CTNNBL1: variants seen among roughly 807,000 people sequenced by gnomAD.
The protein encoded by CTNNBL1 is beta-catenin-like protein 1.
A neutral mutation model predicts 72.7 loss-of-function variants in CTNNBL1; 31 were observed. The observed-to-expected ratio is 0.43, with a 90% CI of 0.32 to 0.58. The LOEUF (loss-of-function observed/expected upper bound fraction) is 0.58. Ranked by LOEUF, CTNNBL1 falls within the 20% of genes least tolerant of loss-of-function variation. The pLI is 0.08. For missense variants in CTNNBL1, 534 were observed against 725.1 expected, an observed-to-expected ratio of 0.74 and a Z score of 3.03; for synonymous variants, 240 against 267.3, an observed-to-expected ratio of 0.90 and a Z score of 1.00.
At chr20:37,814,794 C>T (rs1008070231) in intron 11 of CTNNBL1, among the ~76,000 whole-genome samples, 1 of 152,198 alleles carries the variant, frequency 6.6e-6, no homozygotes. Flanking sequence ...TTGAGAGCTA[C>T]TGGCCAGAAT....
intron 15 of CTNNBL1, among the ~76,000 whole-genome samples, chr20:37,865,909 C>T (rs916953929): frequency 2.6e-5 from 4 of 152,208 alleles, no homozygotes; most frequent in African/African-American, 9.6e-5. Context: ...CTTTGATTTG[C>T]GAGTATTCTT....
At chr20:37,803,159 T>C in intron 11 of CTNNBL1, 111 bp downstream of exon 11, 1 of 888,854 alleles carries the variant, frequency 1.1e-6, no homozygotes, top group Non-Finnish European at 1.7e-6. Context: ...GGAAGAGTGC[T>C]ACCTTTTTCT....
rs191449595 is a variant in CTNNBL1 at position 37,770,807 on chromosome 20, G to A, written c.750+2763G>A. Reference sequence around the variant, plus strand: ...TGCTATTTGGGTTTTTTACTGGTAAGCAAGTGCTTTTAGAAGAAAACTGTG... The same window carrying A: ...TGCTATTTGGGTTTTTTACTGGTAAACAAGTGCTTTTAGAAGAAAACTGTG... On this transcript the variant is annotated intron_variant, in intron 7 of 15. Coordinates refer to ENST00000361383, the MANE Select transcript of CTNNBL1 (RefSeq NM_030877.5). 2.6e-3 allele frequency among the ~76,000 whole-genome samples: 400 copies of A among 152,304 alleles called. 2 individuals carry two copies. Among genetic ancestry groups the A allele is most frequent in the African/African-American group, 8.9e-3 (370 of 41,578 alleles).
At chr20:37,700,821 G>C (rs988519250) in intron 1 of CTNNBL1, among the ~76,000 whole-genome samples, 5 of 152,080 alleles carry the variant, frequency 3.3e-5, no homozygotes, top group African/African-American at 9.7e-5. Context: ...TATTCTTTTT[G>C]AGGCAAATTT....
At chr20:37,836,714 C>A (rs998787765) in intron 11 of CTNNBL1, among the ~76,000 whole-genome samples, 1 of 152,332 alleles carries the variant, frequency 6.6e-6, no homozygotes, top group African/African-American at 2.4e-5. Context: ...ACACTCAGCA[C>A]TTGCTAGGCA....
At chr20:37,843,201 T>C (rs2072319378) in intron 13 of CTNNBL1, among the ~76,000 whole-genome samples, 1 of 152,242 alleles carries the variant, frequency 6.6e-6, no homozygotes, top group Admixed American at 6.5e-5. Flanking sequence ...AGTCACATTA[T>C]AAAATGACGC....
intron 11 of CTNNBL1, among the ~76,000 whole-genome samples, chr20:37,829,744 C>T (rs1230962993): frequency 2.0e-5 from 3 of 152,146 alleles, no homozygotes; most frequent in South Asian, 4.1e-4. Flanking sequence ...ACCTTTCCTA[C>T]CATTCTTAGC....
At position 37,838,682 on chromosome 20, in the gene CTNNBL1, G is replaced by A. The variant is rs140774304; in HGVS notation, c.1214-1420G>A. Among the ~76,000 whole-genome samples, 1,043 of 152,270 alleles carry A rather than the reference G, an allele frequency of 6.8e-3. 12 individuals are homozygous for A. Among genetic ancestry groups the A allele is most frequent in the African/African-American group, 0.024 (977 of 41,552 alleles). ...GCAGGTGGATTGCTTGAGGCCAGGA[G>A]TTCAACACCAACCTGGGTAACATGG... On this transcript the variant is annotated intron_variant, in intron 11 of 15. Coordinates refer to ENST00000361383, the MANE Select transcript of CTNNBL1 (RefSeq NM_030877.5).
At chr20:37,694,986 T>C (rs1268449483) in intron 1 of CTNNBL1, 1 of 152,210 alleles carries the variant, frequency 6.6e-6, no homozygotes, top group African/African-American at 2.4e-5. Flanking sequence ...ACTAGCCACA[T>C]AGGCTGTTGA....
intron 4 of CTNNBL1, among the ~76,000 whole-genome samples, chr20:37,748,736 GT>G (rs1487903620): frequency 6.6e-6 from 1 of 152,198 alleles, no homozygotes; most frequent in Non-Finnish European, 1.5e-5. Flanking sequence ...GTAGATAGCT[GT>G]TTTCTCACTG....
chr20:37,844,536 C>T (rs529842770), intron 13 of CTNNBL1, among the ~76,000 whole-genome samples: 1 of 152,298 alleles, frequency 6.6e-6, no homozygotes, highest in East Asian at 1.9e-4. Flanking sequence ...GTAATCTTGC[C>T]ACTTCTAGCT....
intron 1 of CTNNBL1, among the ~76,000 whole-genome samples, chr20:37,710,658 A>T (rs2072929292): frequency 6.6e-6 from 1 of 152,026 alleles, no homozygotes; most frequent in African/African-American, 2.4e-5. Flanking sequence ...ACCACTCACA[A>T]ATAGGGGCTT....
chr20:37,703,627 G>A (rs2072861872), intron 1 of CTNNBL1, among the ~76,000 whole-genome samples: 1 of 152,178 alleles, frequency 6.6e-6, no homozygotes, highest in South Asian at 2.1e-4. Context: ...CTGGCCAGAT[G>A]TTCAGATATC....
At chr20:37,765,828 G>A (rs1295017444) in intron 6 of CTNNBL1, among the ~76,000 whole-genome samples, 2 of 152,102 alleles carry the variant, frequency 1.3e-5, no homozygotes, top group Non-Finnish European at 1.5e-5. Context: ...TCATTTAAGT[G>A]GATTCCTCTG....
intron 11 of CTNNBL1, among the ~76,000 whole-genome samples, chr20:37,836,593 C>T (rs896310303): frequency 6.6e-5 from 10 of 152,164 alleles, no homozygotes; most frequent in African/African-American, 2.4e-4. Flanking sequence ...GTCCTGTTTG[C>T]CTCCCTCAGT....
intron 11 of CTNNBL1, among the ~76,000 whole-genome samples, chr20:37,830,156 T>G (rs542845464): frequency 1.1e-4 from 16 of 152,242 alleles, no homozygotes; most frequent in Admixed American, 1.0e-3. Context: ...AACAGCTTTA[T>G]TGAGACTGAC....
At chr20:37,714,071 TA>T (rs148668163) in intron 1 of CTNNBL1, among the ~76,000 whole-genome samples, 2 of 149,552 alleles carry the variant, frequency 1.3e-5, no homozygotes, top group South Asian at 2.1e-4. Context: ...TGAAGTACTC[TA>T]AAAAAAAAAC....
At chr20:37,792,872 T>C (rs1474392377) in intron 10 of CTNNBL1, among the ~76,000 whole-genome samples, 1 of 152,240 alleles carries the variant, frequency 6.6e-6, no homozygotes, top group African/African-American at 2.4e-5. Context: ...AAATATTAAT[T>C]TCTTTTCTGA....
intron 15 of CTNNBL1, among the ~76,000 whole-genome samples, chr20:37,869,510 G>T (rs1016292286): frequency 6.6e-6 from 1 of 152,246 alleles, no homozygotes; most frequent in Non-Finnish European, 1.5e-5. Flanking sequence ...GGGGGCCCTC[G>T]GCCAGGCTTA....
Sources: allele counts gnomAD v4.1 joint callset (sites outside exome capture counted in the v4.1 genomes callset), GRCh38; gene constraint gnomAD v4.1.1; transcripts MANE v1.5; gene names NCBI Gene and HGNC (gene_info 2026-07-23, HGNC 2026-07-21).